TMEM165: variants seen among roughly 807,000 people sequenced by gnomAD.
The protein encoded by TMEM165 is putative divalent cation/proton antiporter TMEM165.
A neutral mutation model predicts 30.0 loss-of-function variants in TMEM165; 19 were observed. The observed-to-expected ratio is 0.63, with a 90% confidence interval of 0.44 to 0.93. TMEM165 has a LOEUF of 0.93. Among genes scored for constraint, TMEM165 ranks in the 40% least tolerant of loss-of-function variants. TMEM165 has a pLI of 0.00. For missense variants in TMEM165, 340 were observed against 417.0 expected, an observed-to-expected ratio of 0.82 and a Z score of 1.61; for synonymous variants, 168 against 162.9, an observed-to-expected ratio of 1.03 and a Z score of -0.24.
chr4:55,449,375 A>G, intron 3 of TMEM165: 1 of 1,576,800 alleles, frequency 6.3e-7, no homozygotes, highest in South Asian at 1.1e-5. Context: ...TATTCAGAAG[A>G]ATATCCACTA....
chr4:55,424,225 G>C, intron 4 of TMEM165: 1 of 312,522 alleles, frequency 3.2e-6, no homozygotes, highest in South Asian at 4.5e-5. Context: ...TGTCATAGCA[G>C]TGCTACGTAT....
chr4:55,451,126 T>G (rs551857346), intron 3 of TMEM165, among the ~76,000 whole-genome samples: 1 of 151,818 alleles, frequency 6.6e-6, no homozygotes, highest in Admixed American at 6.6e-5. Flanking sequence ...GCAAAACCCC[T>G]CCCTATTCAC....
chr4:55,396,083 C>A lies in TMEM165; in HGVS notation c.-107C>A. 1.1e-6 allele frequency: 1 copy of A among 938,494 alleles called. No homozygotes were observed. The highest frequency in any genetic ancestry group is 1.4e-6 in the Non-Finnish European group (1 of 708,066). 58.1% of individuals were successfully genotyped at this position (938,494 alleles called of 1,614,324 possible). ...GTGCTGACTGCTCCCTAAGCGGCGG[C>A]GGCGGCGAGTCGTGAGGACGCGCCG... On this transcript the variant is annotated 5_prime_UTR_variant, in exon 1 of 6. Transcript: ENST00000381334.
At chr4:55,412,393 CAAA>C (rs371124857) in intron 2 of TMEM165, among the ~76,000 whole-genome samples, 5 of 54,364 alleles carry the variant, frequency 9.2e-5, no homozygotes, top group African/African-American at 2.3e-4. Flanking sequence ...GACTCCATCT[CAAA>C]AAAAAAAAAA....
chr4:55,401,897 A>G (rs1178207536), intron 1 of TMEM165, among the ~76,000 whole-genome samples: 2 of 150,106 alleles, frequency 1.3e-5, no homozygotes, highest in Admixed American at 6.6e-5. Context: ...TGGGTGGATC[A>G]CCTGAGGTCA....
At chr4:55,422,534 A>G (rs1722024334) in intron 4 of TMEM165, among the ~76,000 whole-genome samples, 1 of 152,196 alleles carries the variant, frequency 6.6e-6, no homozygotes, top group African/African-American at 2.4e-5. Context: ...GTGAGATTAC[A>G]TGTGTGAACC....
chr4:55,437,007 A>C (rs925547017), intron 3 of TMEM165, among the ~76,000 whole-genome samples: 1 of 146,782 alleles, frequency 6.8e-6, no homozygotes, highest in Non-Finnish European at 1.5e-5. Context: ...GCTTATGCTT[A>C]ATTCTCATTG....
At chr4:55,410,668 C>T (rs1437749865) in intron 1 of TMEM165, among the ~76,000 whole-genome samples, 6 of 152,232 alleles carry the variant, frequency 3.9e-5, no homozygotes, top group Non-Finnish European at 8.8e-5. Flanking sequence ...CTATACCCTG[C>T]TGAGGTTTGT....
Position 55,417,924 on chromosome 4 carries a change from C to A in TMEM165, c.731C>A (p.Thr244Lys). The change falls in exon 4 of 6, where the codon ACA (threonine) becomes AAA (lysine). Residue 244 changes from threonine (T) to lysine (K), a missense_variant. Physicochemically the swap from Thr to Lys is moderately conservative, Grantham distance 78. Coordinates refer to ENST00000381334, the MANE Select transcript of TMEM165 (RefSeq NM_018475.5). ...SPIFVQALTL[T>K]FLAEWGDRSQ... Reference sequence around the variant, plus strand: ...ATTTTTGTTCAAGCTCTTACATTAACATTCTTAGCAGAATGGGGTGATCGC... The same window carrying A: ...ATTTTTGTTCAAGCTCTTACATTAAAATTCTTAGCAGAATGGGGTGATCGC... The A allele has an allele frequency of 6.2e-7, 1 of 1,614,024 alleles. No individual in the cohort carries two copies. Among genetic ancestry groups the A allele is most frequent in the Non-Finnish European group, 8.5e-7 (1 of 1,179,982 alleles).
At chr4:55,435,645 C>T in intron 3 of TMEM165, 4 of 1,575,128 alleles carry the variant, frequency 2.5e-6, no homozygotes, top group Non-Finnish European at 3.5e-6. Context: ...TTATGGCACC[C>T]ACATAATAGT....
rs532531445 is a variant in TMEM165 at position 55,446,943 on chromosome 4, A to G, written c.409-5296A>G. Among the ~76,000 whole-genome samples the G allele has an allele frequency of 1.8e-3, 279 of 152,304 alleles. 1 individual carries two copies. Among genetic ancestry groups the G allele is most frequent in the African/African-American group, 6.5e-3 (271 of 41,576 alleles). On this transcript the variant is annotated intron_variant, in intron 3 of 3. Coordinates refer to the TMEM165 transcript ENST00000608091. ...ACTAAATTACATTTCAGGGCACACA[A>G]CTTTGATTTCAGAAATTAACAATAA...
intron 4 of TMEM165, among the ~76,000 whole-genome samples, chr4:55,420,314 T>G (rs1271427243): frequency 6.6e-6 from 1 of 150,894 alleles, no homozygotes. Context: ...TGCGTTTTTC[T>G]CTCTACTCTG....
At chr4:55,450,276 CAG>C (rs1320526492) in intron 3 of TMEM165, 1 of 1,611,476 alleles carries the variant, frequency 6.2e-7, no homozygotes, top group Non-Finnish European at 8.5e-7. Context: ...TGGTTCAGTT[CAG>C]AGATCTCAAA....
At chr4:55,448,867 G>A (rs758785474) in intron 3 of TMEM165, 1 of 1,611,562 alleles carries the variant, frequency 6.2e-7, no homozygotes, top group South Asian at 1.1e-5. Context: ...GGAATTTATG[G>A]ACTAGAGCAA....
intron 3 of TMEM165, among the ~76,000 whole-genome samples, chr4:55,449,160 C>T (rs1724206684): frequency 8.8e-6 from 1 of 113,736 alleles, no homozygotes; most frequent in South Asian, 3.9e-4. Flanking sequence ...CAATTTTGAG[C>T]TTTCCACAAT....
At chr4:55,412,018 C>G (rs905243253) in intron 2 of TMEM165, 179 bp downstream of exon 2, 15 of 653,608 alleles carry the variant, frequency 2.3e-5, no homozygotes, top group African/African-American at 3.7e-5. Context: ...TAATTTTGTA[C>G]CCCCTCTCGC....
At chr4:55,409,489 G>T (rs1379743319) in intron 1 of TMEM165, among the ~76,000 whole-genome samples, 1 of 152,172 alleles carries the variant, frequency 6.6e-6, no homozygotes, top group East Asian at 1.9e-4. Context: ...ACCTTTGGAA[G>T]TGGTTTATCT....
chr4:55,402,672 TC>T (rs1721073216), intron 1 of TMEM165, among the ~76,000 whole-genome samples: 1 of 144,724 alleles, frequency 6.9e-6, no homozygotes, highest in African/African-American at 2.7e-5. Context: ...GGTCTCAAGC[TC>T]CCAACCTCGA....
At chr4:55,451,141 C>T (rs1324862982) in intron 3 of TMEM165, among the ~76,000 whole-genome samples, 1 of 152,068 alleles carries the variant, frequency 6.6e-6, no homozygotes, top group Admixed American at 6.5e-5. Flanking sequence ...ATTCACTGTC[C>T]CTAATTCCCC....
Sources: gnomAD v4.1 joint callset for allele counts (sites outside exome capture counted in the v4.1 genomes callset) on GRCh38, gnomAD v4.1.1 for gene constraint, MANE v1.5 for transcripts, NCBI Gene and HGNC (gene_info 2026-07-23, HGNC 2026-07-21) for gene names.